The following NELL1 variants were observed in gnomAD, a reference collection of about 807,000 sequenced individuals.
NELL1 encodes the protein neural EGFL like 1.
A neutral mutation model predicts 107.4 loss-of-function variants in NELL1; 76 were observed. The ratio of observed to expected loss-of-function variants is 0.71; its 90% CI spans 0.59 to 0.86. The LOEUF (loss-of-function observed/expected upper bound fraction) is 0.86. NELL1 is among the 40% of genes least tolerant of loss of function. NELL1 has a pLI of 0.00. For missense variants in NELL1, 1,024 were observed against 1,005.5 expected (o/e 1.02, Z -0.25); for synonymous variants, 353 against 341.2 (o/e 1.03, Z -0.38).
chr11:21,039,127 A>C (rs760516764), intron 12 of NELL1, among the ~76,000 whole-genome samples: 1 of 152,106 alleles, frequency 6.6e-6, no homozygotes, highest in Non-Finnish European at 1.5e-5. Flanking sequence ...TGAAGGAGCT[A>C]TGTTTAAGGG....
intron 12 of NELL1, among the ~76,000 whole-genome samples, chr11:21,044,500 T>C (rs1422305363): frequency 6.6e-6 from 1 of 152,146 alleles, no homozygotes. Context: ...GAAATTTGTT[T>C]TGCTGTTGTT....
chr11:21,022,048 A>G (rs1342778315), intron 12 of NELL1, among the ~76,000 whole-genome samples: 1 of 152,008 alleles, frequency 6.6e-6, no homozygotes, highest in African/African-American at 2.4e-5. Context: ...CCCAGTTGTG[A>G]CAACCAAAAA....
At chr11:20,969,051 C>T (rs1156665183) in intron 12 of NELL1, among the ~76,000 whole-genome samples, 4 of 152,040 alleles carry the variant, frequency 2.6e-5, no homozygotes, top group Non-Finnish European at 4.4e-5. Flanking sequence ...TAATTATAAG[C>T]GTTTTACTTT....
At chr11:21,545,722 G>A (rs1856426586) in intron 16 of NELL1, among the ~76,000 whole-genome samples, 1 of 151,722 alleles carries the variant, frequency 6.6e-6, no homozygotes, top group Non-Finnish European at 1.5e-5. Flanking sequence ...GAATGAGAGG[G>A]GGCATTTCTG....
chr11:20,964,127 C>G (rs1397669808), intron 12 of NELL1, among the ~76,000 whole-genome samples: 1 of 152,126 alleles, frequency 6.6e-6, no homozygotes, highest in Non-Finnish European at 1.5e-5. Flanking sequence ...GAAAACTGCT[C>G]TAGTTGGATT....
intron 2 of NELL1, among the ~76,000 whole-genome samples, chr11:20,726,481 G>C (rs1855511492): frequency 6.6e-6 from 1 of 151,756 alleles, no homozygotes; most frequent in Admixed American, 6.6e-5. Context: ...TCATCGATTA[G>C]TTTTGCATAG....
chr11:20,958,314 G>A (rs150639051), intron 11 of NELL1, among the ~76,000 whole-genome samples: 63 of 152,136 alleles, frequency 4.1e-4, no homozygotes, highest in Non-Finnish European at 7.6e-4. Flanking sequence ...CTCAGTTGCC[G>A]AGGTGGGAGG....
chr11:21,159,258 T>G (rs1485298877), intron 13 of NELL1, among the ~76,000 whole-genome samples: 2 of 152,224 alleles, frequency 1.3e-5, no homozygotes, highest in South Asian at 4.1e-4. Context: ...TCTGTGAAGC[T>G]GCCTACTTGG....
At chr11:21,513,092 C>G (rs917984502) in intron 15 of NELL1, among the ~76,000 whole-genome samples, 2 of 152,140 alleles carry the variant, frequency 1.3e-5, no homozygotes, top group Admixed American at 1.3e-4. Context: ...GTTTGGGACC[C>G]CAGGCAGCCC....
At chr11:21,085,118 T>C (rs1478533657) in intron 12 of NELL1, among the ~76,000 whole-genome samples, 2 of 152,204 alleles carry the variant, frequency 1.3e-5, no homozygotes, top group East Asian at 3.9e-4. Context: ...TGTGTTTACA[T>C]GTTTAGCTAT....
At chr11:21,498,117 A>G (rs1161833694) in intron 15 of NELL1, among the ~76,000 whole-genome samples, 1 of 152,002 alleles carries the variant, frequency 6.6e-6, no homozygotes, top group Middle Eastern at 3.4e-3. Context: ...ATTTTAGTAA[A>G]TATTCAATAT....
At chr11:20,904,437 A>G (rs1026894511) in intron 5 of NELL1, among the ~76,000 whole-genome samples, 3 of 152,176 alleles carry the variant, frequency 2.0e-5, no homozygotes, top group African/African-American at 7.2e-5. Context: ...TTAAGAAAAC[A>G]TTTCAAATCT....
intron 12 of NELL1, among the ~76,000 whole-genome samples, chr11:21,049,903 C>A (rs1027843838): frequency 6.6e-6 from 1 of 151,398 alleles, no homozygotes; most frequent in Non-Finnish European, 1.5e-5. Flanking sequence ...GTCCCGAACT[C>A]CTGACTTCAG....
intron 12 of NELL1, among the ~76,000 whole-genome samples, chr11:20,963,445 G>A (rs565882952): frequency 2.0e-5 from 3 of 152,098 alleles, no homozygotes; most frequent in Non-Finnish European, 4.4e-5. Context: ...GGAGAGGTTT[G>A]TCTTCCTGAA....
At chr11:21,354,536 C>T (rs1850886835) in intron 14 of NELL1, among the ~76,000 whole-genome samples, 1 of 152,142 alleles carries the variant, frequency 6.6e-6, no homozygotes, top group Non-Finnish European at 1.5e-5. Flanking sequence ...TCCGGGCTAG[C>T]TATCTAACTT....
rs747833252 is a variant in NELL1 at position 20,918,171 on chromosome 11, C to T, written c.604-11C>T. ...TAATCTTGATTGCCACCTGTCTCTT[C>T]TATTATCAAGGGGATCATCCAAGAT... is the stretch of plus-strand genomic sequence containing the variant. On this transcript the variant is annotated splice_polypyrimidine_tract_variant and intron_variant, in intron 5 of 19. Coordinates refer to ENST00000357134, the MANE Select transcript of NELL1 (RefSeq NM_006157.5). 5.2e-6 allele frequency: 8 copies of T among 1,532,794 alleles called. No homozygotes were observed. In the East Asian group the frequency reaches 1.6e-4, roughly 30 times the overall value. The allele number at this position is 1,532,794 out of a possible 1,614,324, so 94.9% of individuals were successfully genotyped here. A position where few individuals can be genotyped will look rare whatever the true frequency, so the allele number is the denominator to read the frequency against.
At chr11:21,217,016 A>G (rs540777271) in intron 13 of NELL1, among the ~76,000 whole-genome samples, 1 of 152,174 alleles carries the variant, frequency 6.6e-6, no homozygotes, top group African/African-American at 2.4e-5. Flanking sequence ...TGTAGGAGGG[A>G]CCCAGTGGGA....
intron 12 of NELL1, among the ~76,000 whole-genome samples, chr11:21,034,353 G>C (rs1194326092): frequency 2.0e-5 from 3 of 152,106 alleles, no homozygotes; most frequent in African/African-American, 7.2e-5. Context: ...TCTGTATTCT[G>C]TTCCATTGGT....
intron 2 of NELL1, among the ~76,000 whole-genome samples, chr11:20,731,445 G>T (rs1009456404): frequency 6.6e-6 from 1 of 152,212 alleles, no homozygotes; most frequent in Non-Finnish European, 1.5e-5. Flanking sequence ...GGTAGCTTAG[G>T]TTAGAGGGGG....
Sources: allele counts gnomAD v4.1 joint callset (sites outside exome capture counted in the v4.1 genomes callset), GRCh38; gene constraint gnomAD v4.1.1; transcripts MANE v1.5; gene names NCBI Gene and HGNC (gene_info 2026-07-23, HGNC 2026-07-21).